PUS7L: variants seen among roughly 807,000 people sequenced by gnomAD.
The protein encoded by PUS7L is pseudouridine synthase 7 like.
A neutral mutation model predicts 51.1 loss-of-function variants in PUS7L; 49 were observed. The ratio of observed to expected loss-of-function variants is 0.96; its 90% CI spans 0.76 to 1.22. PUS7L has a LOEUF of 1.22. Ranked by LOEUF, PUS7L falls within the 50% of genes most tolerant of loss-of-function variation. The pLI is 0.00. For synonymous variants in PUS7L, 277 were observed against 276.2 expected (o/e 1.00, Z -0.03); for missense variants, 828 against 820.6 (o/e 1.01, Z -0.11).
chr12:43,731,146 A>G, intron 8 of PUS7L, among the ~76,000 whole-genome samples: 1 of 152,126 alleles, frequency 6.6e-6, no homozygotes, highest in South Asian at 2.1e-4. Flanking sequence ...AACACATTCA[A>G]TGTTTATTTT....
rs1944372115 is a variant in PUS7L, at chr12:43,719,536, T to A, written c.*10840A>T. 6.6e-6 allele frequency: 1 copy of A among 152,150 alleles called. No homozygotes were observed. Among genetic ancestry groups the A allele is most frequent in the Non-Finnish European group, 1.5e-5 (1 of 68,000 alleles). 9.4% of individuals were successfully genotyped at this position (152,150 alleles called of 1,614,324 possible). Reference sequence around the variant, plus strand: ...TTTTTTCTAATCTCAGGAAAGTTTGTGTAGACTTGAATTATTATTTTTTTG... The same window carrying A: ...TTTTTTCTAATCTCAGGAAAGTTTGAGTAGACTTGAATTATTATTTTTTTG... On this transcript the variant is annotated 3_prime_UTR_variant, in exon 9 of 9. Coordinates refer to ENST00000344862, the MANE Select transcript of PUS7L (RefSeq NM_031292.5).
rs780540388 is a variant in PUS7L, at chr12:43,748,470, A to G, written c.1050T>C (p.Val350=). 6.3e-7 allele frequency: 1 copy of G among 1,591,310 alleles called. No homozygotes were observed. The change falls in exon 3 of 9, where the codon GTT becomes GTC. Residue 350 remains valine (V), a synonymous_variant. Coordinates refer to ENST00000344862, the MANE Select transcript of PUS7L (RefSeq NM_031292.5). The part of the protein sequence containing the change: ...KKAITYQAMV[V]RKVTPERLKN... ...ATTACCTCTCTGGAGTCACTTTTCT[A>G]ACAACCATTGCTTGATAGGTGATGG...
At position 43,733,284 on chromosome 12, in the gene PUS7L, T is replaced by A. The variant is rs558227552; in HGVS notation, c.1726-1526A>T. Among the ~76,000 whole-genome samples the A allele has an allele frequency of 2.4e-4, 37 of 152,370 alleles. 1 individual carries two copies. In the South Asian group the frequency reaches 7.5e-3, roughly 31 times the overall value. On this transcript the variant is annotated intron_variant, in intron 7 of 8. Transcript: ENST00000344862. ...CAGATTAGTTTTCTATAATTTTTAATTGTAGATGCATATTACATGCCCCAT... is the reference window on the plus strand; with the variant it reads ...CAGATTAGTTTTCTATAATTTTTAAATGTAGATGCATATTACATGCCCCAT...
In PUS7L at chr12:43,729,941, A is replaced by G. The variant is rs1399285093; in HGVS notation, c.*435T>C. 1 of 163,038 alleles carries G rather than the reference A, an allele frequency of 6.1e-6. No individual in the cohort carries two copies. Among genetic ancestry groups the G allele is most frequent in the Non-Finnish European group, 1.4e-5 (1 of 73,708 alleles). The allele number at this position is 163,038 out of a possible 1,614,324, so 10.1% of individuals were successfully genotyped here. A position where few individuals can be genotyped will look rare whatever the true frequency, so the allele number is the denominator to read the frequency against. On this transcript the variant is annotated 3_prime_UTR_variant, in exon 9 of 9. Transcript: ENST00000344862. ...TCAAAAACAGGAAAGGGGGACAATA[A>G]TAATTAGCAAAATGCTTCATCTATC... is the stretch of plus-strand genomic sequence containing the variant.
intron 2 of PUS7L, among the ~76,000 whole-genome samples, chr12:43,750,778 A>T (rs1938403300): frequency 1.3e-5 from 2 of 152,232 alleles, no homozygotes; most frequent in Non-Finnish European, 2.9e-5. Context: ...TCTGCCTAGA[A>T]GTACATTCTG....
At chr12:43,757,599 G>A (rs765459321) in intron 1 of PUS7L, among the ~76,000 whole-genome samples, 1 of 152,182 alleles carries the variant, frequency 6.6e-6, no homozygotes, top group Non-Finnish European at 1.5e-5. Context: ...AACCTTGTCT[G>A]CCTTATTTAC....
chr12:43,734,060 C>A (rs570500607), intron 7 of PUS7L, among the ~76,000 whole-genome samples: 19 of 152,156 alleles, frequency 1.2e-4, no homozygotes, highest in African/African-American at 4.3e-4. Flanking sequence ...GGGGACCTCT[C>A]CCAGGTGTCA....
chr12:43,740,973 C>T (rs1186345333), intron 5 of PUS7L: 1 of 152,162 alleles, frequency 6.6e-6, no homozygotes, highest in Non-Finnish European at 1.5e-5. Context: ...GTGACTGCAG[C>T]CTCACAAGAA....
chr12:43,743,447 A>G (rs1045230032), intron 4 of PUS7L, among the ~76,000 whole-genome samples: 5 of 152,234 alleles, frequency 3.3e-5, no homozygotes, highest in African/African-American at 1.2e-4. Context: ...AAGCAATTGC[A>G]TCTTTATCTC....
rs1363574921 is a variant in PUS7L at position 43,723,894 on chromosome 12, A to G, written c.*6482T>C. ...GCCATTAAAATCTCTCTCTCTCAAA[A>G]TGTTGTCATGAGCCACCAAAACCAT... On this transcript the variant is annotated 3_prime_UTR_variant, in exon 9 of 9. Coordinates refer to ENST00000344862, the MANE Select transcript of PUS7L (RefSeq NM_031292.5). 6.6e-6 allele frequency: 1 copy of G among 152,058 alleles called. No homozygotes were observed. The highest frequency in any genetic ancestry group is 1.5e-5 in the Non-Finnish European group (1 of 67,950). 9.4% of individuals were successfully genotyped at this position (152,058 alleles called of 1,614,324 possible).
intron 7 of PUS7L, among the ~76,000 whole-genome samples, chr12:43,733,623 A>G (rs1345743805): frequency 6.6e-6 from 1 of 152,228 alleles, no homozygotes; most frequent in Non-Finnish European, 1.5e-5. Context: ...ATCTTGTGAA[A>G]GTAATCTTTA....
chr12:43,758,346 A>G (rs1938952997), intron 1 of PUS7L: 1 of 985,576 alleles, frequency 1.0e-6, no homozygotes, highest in African/African-American at 1.7e-5. Flanking sequence ...TTCCCATTCA[A>G]CAGAGACTGC....
chr12:43,756,510 C>T (rs938715636), intron 1 of PUS7L, among the ~76,000 whole-genome samples: 13 of 152,202 alleles, frequency 8.5e-5, no homozygotes, highest in African/African-American at 2.7e-4. Flanking sequence ...CATCCTCTCT[C>T]GGATCCCCAG....
Position 43,730,517 on chromosome 12 carries a change from T to C in PUS7L, c.1965A>G (p.Leu655=), listed in dbSNP as rs1262912355. 1 of 1,613,762 alleles carries C rather than the reference T, an allele frequency of 6.2e-7. No homozygotes were observed. Among genetic ancestry groups the C allele is most frequent in the African/African-American group, 1.3e-5 (1 of 74,924 alleles). ...TGACATCAATGTCATGATCTTCCAT[T>C]AGTTGGTATGAGAGATTACAGGGAT... ...LKHPCNLSYQ[L]MEDHDIDVKT... is the part of the protein sequence containing the mutation. Residue 655 remains leucine, a synonymous_variant, in exon 9 of 9, where the codon CTA becomes CTG. Transcript: ENST00000344862.
chr12:43,738,300 A>T lies in PUS7L; in HGVS notation c.1444+10T>A. On this transcript the variant is annotated intron_variant, in intron 6 of 8. Coordinates refer to ENST00000344862, the MANE Select transcript of PUS7L (RefSeq NM_031292.5). ...GCATGGTTATGTACAGGATAAAGAA[A>T]CGTAAATACCAGTTTGAAGAAAATA... The T allele has an allele frequency of 2.8e-6, 4 of 1,416,984 alleles. No homozygotes were observed. Among genetic ancestry groups the T allele is most frequent in the Non-Finnish European group, 4.0e-6 (4 of 1,000,868 alleles). The allele number at this position is 1,416,984 out of a possible 1,614,324, so 87.8% of individuals were successfully genotyped here.
rs1168986924 is a variant in PUS7L at position 43,728,212 on chromosome 12, G to A, written c.*2164C>T. On this transcript the variant is annotated 3_prime_UTR_variant, in exon 9 of 9. Coordinates refer to ENST00000344862, the MANE Select transcript of PUS7L (RefSeq NM_031292.5). The stretch of plus-strand genomic sequence containing the variant: ...AAAAGTTTAACATGGCATCTTATTG[G>A]CATATAAAATAATATTCCACATGAA... 2 of 152,012 alleles carry A rather than the reference G, an allele frequency of 1.3e-5. No homozygotes were observed. Among genetic ancestry groups the A allele is most frequent in the Non-Finnish European group, 2.9e-5 (2 of 67,988 alleles). 9.4% of individuals were successfully genotyped at this position (152,012 alleles called of 1,614,324 possible). A position where few individuals can be genotyped will look rare whatever the true frequency, so the allele number is the denominator to read the frequency against.
intron 7 of PUS7L, 113 bp downstream of exon 7, chr12:43,736,268 T>C (rs955069941): frequency 2.2e-6 from 2 of 898,004 alleles, no homozygotes; most frequent in African/African-American, 1.7e-5. Flanking sequence ...TAAGTACAAA[T>C]AGATAAATAA....
intron 2 of PUS7L, among the ~76,000 whole-genome samples, chr12:43,753,808 T>C (rs946178424): frequency 6.6e-6 from 1 of 152,190 alleles, no homozygotes; most frequent in African/African-American, 2.4e-5. Context: ...GAACTTTTGA[T>C]GATTATATGC....
At chr12:43,749,944 A>G (rs1003189604) in intron 2 of PUS7L, among the ~76,000 whole-genome samples, 5 of 152,284 alleles carry the variant, frequency 3.3e-5, no homozygotes, top group Admixed American at 1.3e-4. Flanking sequence ...GTTGGGTACT[A>G]TGCTCACTAC....
Sources: allele counts gnomAD v4.1 joint callset (sites outside exome capture counted in the v4.1 genomes callset), GRCh38; gene constraint gnomAD v4.1.1; transcripts MANE v1.5; gene names NCBI Gene and HGNC (gene_info 2026-07-23, HGNC 2026-07-21).